The following MED13 variants were observed in gnomAD, a reference collection of about 807,000 sequenced individuals.
The protein encoded by MED13 is mediator of RNA polymerase II transcription subunit 13.
Under a neutral mutation model 225.2 loss-of-function variants are expected in MED13, and 23 were observed. The observed-to-expected ratio is 0.10, with a 90% confidence interval of 0.07 to 0.14. MED13 has a LOEUF of 0.14. MED13 is among the 10% of genes least tolerant of loss of function. The pLI, the probability that MED13 is intolerant of heterozygous loss-of-function variation, is 1.00. For missense variants in MED13, 2,197 were observed against 2,594.5 expected (o/e 0.85, Z 3.33); for synonymous variants, 942 against 889.2 (o/e 1.06, Z -1.06).
rs536244237 is a variant in MED13, at chr17:61,986,740, G to A, written c.2385+267C>T. 7.9e-5 allele frequency among the ~76,000 whole-genome samples: 12 copies of A among 152,052 alleles called. No homozygotes were observed. The South Asian group carries it at 8.3e-4, about 11-fold the overall frequency. On this transcript the variant is annotated intron_variant, in intron 12 of 29. Transcript: ENST00000397786. ...CCTAAAACTACAAAACAGAACATAC[G>A]GCAGAGCTCAAATTAAGGTTAATCA...
At chr17:62,001,344 C>T (rs1271594982) in intron 9 of MED13, among the ~76,000 whole-genome samples, 3 of 152,216 alleles carry the variant, frequency 2.0e-5, no homozygotes, top group African/African-American at 7.2e-5. Context: ...CTTCTAATTT[C>T]CCAGTGTCGG....
chr17:61,995,894 T>G (rs2080342774), intron 9 of MED13, among the ~76,000 whole-genome samples: 1 of 152,196 alleles, frequency 6.6e-6, no homozygotes. Context: ...TTATTACTAT[T>G]AATTCTGGCA....
At position 62,029,522 on chromosome 17, in the gene MED13, C is replaced by T. The variant is rs1394986663; in HGVS notation, c.1283+19G>A. The stretch of plus-strand genomic sequence containing the variant: ...CAAACTATCACACATAGGCATCAAT[C>T]GATCGGGAAATAATCTACCTCAAAC... On this transcript the variant is annotated intron_variant, in intron 8 of 29. Transcript: ENST00000397786. 21 of 1,586,060 alleles carry T rather than the reference C, an allele frequency of 1.3e-5. No homozygotes were observed. Among genetic ancestry groups the T allele is most frequent in the African/African-American group, 2.7e-5 (2 of 74,472 alleles).
intron 4 of MED13, 152 bp downstream of exon 4, chr17:62,035,311 C>G: frequency 1.4e-6 from 1 of 706,304 alleles, no homozygotes; most frequent in Non-Finnish European, 2.2e-6. Context: ...TGACTTAACA[C>G]TGTAATGGGG....
intron 11 of MED13, among the ~76,000 whole-genome samples, chr17:61,990,714 TAAAA>T (rs530606147): frequency 1.7e-3 from 255 of 151,414 alleles, no homozygotes; most frequent in Middle Eastern, 3.4e-3. Flanking sequence ...ACTTGTCAAT[TAAAA>T]AAATTATTTT....
At chr17:62,021,759 A>T (rs879715037) in intron 8 of MED13, among the ~76,000 whole-genome samples, 3 of 152,194 alleles carry the variant, frequency 2.0e-5, no homozygotes, top group Non-Finnish European at 4.4e-5. Context: ...AATCGGTAGA[A>T]CCTTTTTTGA....
Position 62,033,877 on chromosome 17 carries a change from T to C in MED13, c.724A>G (p.Ile242Val), listed in dbSNP as rs1436568183. 5 of 1,614,030 alleles carry C rather than the reference T, an allele frequency of 3.1e-6. No homozygotes were observed. The highest frequency in any genetic ancestry group is 4.2e-6 in the Non-Finnish European group (5 of 1,180,004). ...LIGEWKQFYPISCCLKEMSEE... is the reference protein window; with the variant it reads ...LIGEWKQFYPVSCCLKEMSEE... ...GACATCTCCTTCAAGCAACATGAGATAGGATAGAACTGTTTCCATTCACCA... is the reference window on the plus strand; with the variant it reads ...GACATCTCCTTCAAGCAACATGAGACAGGATAGAACTGTTTCCATTCACCA... The change falls in exon 5 of 30, where the codon ATC becomes GTC. Residue 242 changes from isoleucine (I) to valine (V), a missense_variant. Physicochemically the swap from Ile to Val is conservative, Grantham distance 29. Transcript: ENST00000397786.
chr17:61,952,579 C>T (rs548681822), intron 27 of MED13, among the ~76,000 whole-genome samples: 194 of 152,244 alleles, frequency 1.3e-3, no homozygotes, highest in Non-Finnish European at 2.1e-3. Context: ...TACTGATGTC[C>T]ATGATGTAGA....
chr17:62,052,416 C>CT (rs1293914747), intron 3 of MED13, 121 bp downstream of exon 3: 2 of 633,862 alleles, frequency 3.2e-6, no homozygotes, highest in Non-Finnish European at 4.8e-6. Context: ...ATCTAGTACT[C>CT]TGTCACTGAC....
intron 16 of MED13, among the ~76,000 whole-genome samples, chr17:61,975,046 C>T (rs1020814234): frequency 3.9e-5 from 6 of 151,942 alleles, no homozygotes; most frequent in Non-Finnish European, 8.8e-5. Flanking sequence ...TAGGCCCCTG[C>T]AGTCCTAGCT....
chr17:61,966,779 A>T (rs1301406560), intron 18 of MED13, 128 bp from the exon 19 acceptor site: 1 of 563,222 alleles, frequency 1.8e-6, no homozygotes, highest in East Asian at 3.4e-5. Flanking sequence ...TATGATAAAA[A>T]TATCAAGGGT....
intron 29 of MED13, 98 bp from the exon 30 acceptor site, chr17:61,946,698 A>T: frequency 7.0e-7 from 1 of 1,435,926 alleles, no homozygotes; most frequent in South Asian, 1.2e-5. Context: ...AAGTCACCTT[A>T]AAAAAGAGTG....
intron 9 of MED13, chr17:62,010,324 G>A: frequency 2.7e-6 from 1 of 369,664 alleles, no homozygotes; most frequent in East Asian, 4.0e-5. Flanking sequence ...GTTGGCTGAT[G>A]TACAAGTGTT....
At chr17:62,000,028 C>T (rs1311237108) in intron 9 of MED13, among the ~76,000 whole-genome samples, 1 of 152,174 alleles carries the variant, frequency 6.6e-6, no homozygotes, top group Non-Finnish European at 1.5e-5. Context: ...CATGATCATG[C>T]CACTGCACCA....
intron 11 of MED13, among the ~76,000 whole-genome samples, chr17:61,990,699 T>C (rs182739549): frequency 2.0e-5 from 3 of 151,058 alleles, no homozygotes; most frequent in Admixed American, 1.3e-4. Context: ...ATATATATAA[T>C]TTTTACTTGT....
At position 61,960,958 on chromosome 17, in the gene MED13, A is replaced by G; in HGVS notation, c.5389T>C (p.Ser1797Pro). Residue 1797 changes from serine to proline, a missense_variant, in exon 23 of 30, where the codon TCA becomes CCA. Physicochemically the swap from Ser to Pro is moderately conservative, Grantham distance 74 (BLOSUM62 -1). Around this residue, in one of 12 missense-constraint regions of MED13, gnomAD observed 78 missense variants for 82.1 expected, o/e 0.95. Coordinates refer to ENST00000397786, the MANE Select transcript of MED13 (RefSeq NM_005121.3). ...GCAAGAATCCACCTTTGATCATGTGATAAACAGTATCCCACAAAAAGAACA... is the reference window on the plus strand; with the variant it reads ...GCAAGAATCCACCTTTGATCATGTGGTAAACAGTATCCCACAAAAAGAACA... ...YNVLFVGYCLSHDQRWILASC... is the reference protein window; with the variant it reads ...YNVLFVGYCLPHDQRWILASC... 1 of 1,613,960 alleles carries G rather than the reference A, an allele frequency of 6.2e-7. No homozygotes were observed. Among genetic ancestry groups the G allele is most frequent in the Non-Finnish European group, 8.5e-7 (1 of 1,179,926 alleles).
chr17:61,998,596 C>CTTTTTTTTTTT (rs58261678), intron 9 of MED13, among the ~76,000 whole-genome samples: 21 of 115,542 alleles, frequency 1.8e-4, no homozygotes, highest in African/African-American at 7.4e-4. Flanking sequence ...TTCCCACCGC[C>CTTTTTTTTTTT]TTTTTTTTTT....
At chr17:62,037,814 G>A (rs1175621898) in intron 3 of MED13, among the ~76,000 whole-genome samples, 1 of 151,634 alleles carries the variant, frequency 6.6e-6, no homozygotes, top group Non-Finnish European at 1.5e-5. Flanking sequence ...AATTAGCTGG[G>A]TGTGGTGGCA....
At chr17:62,015,852 ATGTGTATAGTGTGTATG>A (rs1471787767) in intron 8 of MED13, among the ~76,000 whole-genome samples, 6 of 110,628 alleles carry the variant, frequency 5.4e-5, no homozygotes, top group African/African-American at 1.0e-4. Context: ...CACTATATAT[ATGTGTATAGTGTGTATG>A]TGTGTGTGTA....
Sources: gnomAD v4.1 joint callset for allele counts (sites outside exome capture counted in the v4.1 genomes callset) on GRCh38, gnomAD v4.1.1 for gene constraint, gnomAD v4.1.1 regional missense constraint, MANE v1.5 for transcripts, NCBI Gene and HGNC (gene_info 2026-07-23, HGNC 2026-07-21) for gene names.